SLC14A2: variants seen among roughly 807,000 people sequenced by gnomAD.
SLC14A2 encodes the protein urea transporter 2.
A neutral mutation model predicts 104.6 loss-of-function variants in SLC14A2; 91 were observed. The observed-to-expected ratio is 0.87, with a 90% confidence interval of 0.73 to 1.04. The LOEUF is 1.04. Ranked by LOEUF, SLC14A2 falls within the 50% of genes least tolerant of loss-of-function variation. The pLI is 0.00. For missense variants in SLC14A2, 1,189 were observed against 1,156.0 expected, an observed-to-expected ratio of 1.03 and a Z score of -0.41; for synonymous variants, 476 against 466.4, an observed-to-expected ratio of 1.02 and a Z score of -0.27.
intron 10 of SLC14A2, among the ~76,000 whole-genome samples, chr18:45,651,590 C>T (rs546649962): frequency 2.6e-4 from 40 of 152,042 alleles, no homozygotes; most frequent in Non-Finnish European, 3.5e-4. Context: ...AGATTTCTGC[C>T]CTGATAGTGC....
intron 1 of SLC14A2, among the ~76,000 whole-genome samples, chr18:45,260,791 T>C (rs1037418480): frequency 6.6e-6 from 1 of 152,066 alleles, no homozygotes; most frequent in Non-Finnish European, 1.5e-5. Flanking sequence ...AAACATTGAA[T>C]ACACATGGTC....
At chr18:45,270,510 T>C (rs2084640746) in intron 1 of SLC14A2, among the ~76,000 whole-genome samples, 1 of 152,110 alleles carries the variant, frequency 6.6e-6, no homozygotes, top group Non-Finnish European at 1.5e-5. Flanking sequence ...CTTTATTTTA[T>C]AGACCAAGTC....
Position 45,449,264 on chromosome 18 carries a change from T to C in SLC14A2, c.-124-33969T>C, listed in dbSNP as rs193072379. Among the ~76,000 whole-genome samples the C allele has an allele frequency of 1.4e-3, 210 of 152,332 alleles. 1 individual carries two copies. The highest frequency in any genetic ancestry group is 1.4e-3 in the Non-Finnish European group (94 of 68,030). On this transcript the variant is annotated intron_variant, in intron 1 of 20. Coordinates refer to the SLC14A2 transcript ENST00000586448. ...TAAAGACTATGAAAGAGCATATAGA[T>C]TGAGACTTTCCAAAGGTTAGTGGAG...
chr18:45,650,925 G>C (rs1305987502), intron 10 of SLC14A2, among the ~76,000 whole-genome samples: 1 of 151,322 alleles, frequency 6.6e-6, no homozygotes, highest in African/African-American at 2.4e-5. Context: ...TTTTAGCAAA[G>C]ATGGGGTTTC....
chr18:45,180,809 C>A, the SLC14A2 span, among the ~76,000 whole-genome samples: 2 of 152,084 alleles, frequency 1.3e-5, no homozygotes, highest in African/African-American at 4.8e-5. Flanking sequence ...CCTTTCAAGT[C>A]TCTGGGACAT....
At chr18:45,475,537 G>T (rs1358568812) in intron 1 of SLC14A2, among the ~76,000 whole-genome samples, 1 of 148,796 alleles carries the variant, frequency 6.7e-6, no homozygotes, top group Non-Finnish European at 1.5e-5. Flanking sequence ...GAATATGGGT[G>T]CTCCTGTATT....
chr18:45,655,323 A>G (rs1443383112), intron 10 of SLC14A2, among the ~76,000 whole-genome samples: 1 of 152,124 alleles, frequency 6.6e-6, no homozygotes, highest in African/African-American at 2.4e-5. Flanking sequence ...CCAGCACCAA[A>G]CGATATAAGC....
At chr18:45,245,784 C>G (rs1735929947) in intron 1 of SLC14A2, among the ~76,000 whole-genome samples, 2 of 152,202 alleles carry the variant, frequency 1.3e-5, no homozygotes, top group Non-Finnish European at 2.9e-5. Flanking sequence ...CACCAATCAT[C>G]CATTTCTAAT....
chr18:45,291,833 G>A (rs568239840), intron 1 of SLC14A2, among the ~76,000 whole-genome samples: 1 of 152,018 alleles, frequency 6.6e-6, no homozygotes, highest in Non-Finnish European at 1.5e-5. Context: ...GGGCGGTTGG[G>A]GGGGTGGGGA....
chr18:45,241,639 C>CT (rs370878349), intron 1 of SLC14A2, among the ~76,000 whole-genome samples: 1,344 of 117,982 alleles, frequency 0.011, 10 homozygotes, highest in Admixed American at 0.022. Context: ...TTTCTTTTCT[C>CT]TTTTTTTTTT....
intron 2 of SLC14A2, among the ~76,000 whole-genome samples, chr18:45,583,203 C>T (rs1220068527): frequency 2.0e-5 from 3 of 152,182 alleles, no homozygotes; most frequent in Non-Finnish European, 4.4e-5. Context: ...ATGCCCTATT[C>T]CTACCTCCCA....
intron 12 of SLC14A2, among the ~76,000 whole-genome samples, chr18:45,666,732 G>A (rs114259993): frequency 0.01 from 1,598 of 152,198 alleles, 24 homozygotes; most frequent in African/African-American, 0.037. Context: ...TTATCTTACT[G>A]TGCCTCACGG....
At chr18:45,491,141 T>C (rs1314590480) in intron 2 of SLC14A2, among the ~76,000 whole-genome samples, 4 of 152,226 alleles carry the variant, frequency 2.6e-5, no homozygotes, top group African/African-American at 9.6e-5. Flanking sequence ...CGGTGTGTAA[T>C]AGGACAGGTA....
intron 1 of SLC14A2, among the ~76,000 whole-genome samples, chr18:45,329,320 T>C (rs1410762346): frequency 6.6e-6 from 1 of 152,180 alleles, no homozygotes; most frequent in African/African-American, 2.4e-5. Flanking sequence ...GAGACTGAAC[T>C]TGGGGAGCCT....
intron 1 of SLC14A2, among the ~76,000 whole-genome samples, chr18:45,370,021 T>C (rs1200002798): frequency 6.6e-6 from 1 of 152,214 alleles, no homozygotes; most frequent in Non-Finnish European, 1.5e-5. Flanking sequence ...CTGTTGAGGC[T>C]CTAGGCAAAG....
intron 1 of SLC14A2, among the ~76,000 whole-genome samples, chr18:45,329,754 T>C (rs766432059): frequency 2.6e-5 from 4 of 152,102 alleles, no homozygotes; most frequent in South Asian, 2.1e-4. Flanking sequence ...TGACCAGAAA[T>C]AGATGTTTAT....
chr18:45,378,870 C>T (rs1280332459), intron 1 of SLC14A2, among the ~76,000 whole-genome samples: 3 of 152,136 alleles, frequency 2.0e-5, no homozygotes, highest in East Asian at 1.9e-4. Flanking sequence ...CTCAGCCTCC[C>T]GAAGTGCTGG....
At chr18:45,383,231 A>G (rs1430537036) in intron 1 of SLC14A2, among the ~76,000 whole-genome samples, 1 of 152,212 alleles carries the variant, frequency 6.6e-6, no homozygotes, top group African/African-American at 2.4e-5. Flanking sequence ...CTTTTCCCAT[A>G]ATCCCATTCA....
chr18:45,478,619 T>C (rs1311776049), intron 1 of SLC14A2, among the ~76,000 whole-genome samples: 1 of 152,230 alleles, frequency 6.6e-6, no homozygotes, highest in African/African-American at 2.4e-5. Flanking sequence ...AGATAAGCTC[T>C]TTCTTAACCA....
Sources: gnomAD v4.1 joint callset for allele counts (sites outside exome capture counted in the v4.1 genomes callset) on GRCh38, gnomAD v4.1.1 for gene constraint, MANE v1.5 for transcripts, NCBI Gene and HGNC (gene_info 2026-07-23, HGNC 2026-07-21) for gene names.